Variants in DHRSX observed in about 807,000 individuals in gnomAD.
The protein encoded by DHRSX is polyprenol dehydrogenase.
DHRSX carries 31 observed loss-of-function variants against 34.0 expected under a neutral mutation model. That is an observed-to-expected ratio of 0.91 (90% CI 0.69 to 1.23). The LOEUF is 1.23. DHRSX is among the 50% of genes most tolerant of loss of function. The pLI is 0.00. For synonymous variants in DHRSX, 201 were observed against 183.8 expected, an observed-to-expected ratio of 1.09 and a Z score of -0.76; for missense variants, 414 against 428.1, an observed-to-expected ratio of 0.97 and a Z score of 0.29.
At position 2,447,052 on chromosome X, in the gene DHRSX, A is replaced by G. The variant is rs1349305895; in HGVS notation, c.110-21748T>C. ...ACCGCCACGGGTACACACTGAAGAC[A>G]TTCCCTAAGCATGTGGCTAAGGGAC... On this transcript the variant is annotated intron_variant, in intron 1 of 6. Coordinates refer to ENST00000334651, the MANE Select transcript of DHRSX (RefSeq NM_145177.3). 6.4e-4 allele frequency among the ~76,000 whole-genome samples: 89 copies of G among 138,098 alleles called. 1 individual carries two copies. Among genetic ancestry groups the G allele is most frequent in the African/African-American group, 2.3e-3 (85 of 36,736 alleles). The allele number at this position is 138,098 out of a possible 152,430, so 90.6% of individuals were successfully genotyped here. A position where few individuals can be genotyped will look rare whatever the true frequency, so the allele number is the denominator to read the frequency against.
intron 3 of DHRSX, among the ~76,000 whole-genome samples, chrX:2,391,730 AG>A (rs1444252628): frequency 2.0e-5 from 3 of 152,166 alleles, no homozygotes; most frequent in Non-Finnish European, 4.4e-5. Flanking sequence ...GTTCGAGACC[AG>A]CCTGACCAAC....
chrX:2,392,400 G>T, intron 3 of DHRSX: 1 of 266,280 alleles, frequency 3.8e-6, no homozygotes, highest in Non-Finnish European at 7.5e-6. Flanking sequence ...CCAGCTCCTC[G>T]AGAGGCTGAG....
intron 4 of DHRSX, among the ~76,000 whole-genome samples, chrX:2,286,979 A>G (rs1422353743): frequency 2.0e-5 from 3 of 152,154 alleles, no homozygotes; most frequent in Non-Finnish European, 4.4e-5. Flanking sequence ...TTGGGGTGCA[A>G]TCTTCTCTGT....
At chrX:2,490,633 G>A (rs777542260) in intron 1 of DHRSX, 55 of 1,613,856 alleles carry the variant, frequency 3.4e-5, no homozygotes, top group Middle Eastern at 1.6e-4. Context: ...TGTCGAAGCC[G>A]AAATACTTCC....
intron 5 of DHRSX, among the ~76,000 whole-genome samples, chrX:2,255,635 G>C (rs781508976): frequency 6.6e-6 from 1 of 152,146 alleles, no homozygotes; most frequent in South Asian, 2.1e-4. Context: ...TCATGGCCAG[G>C]CACGGTGGGT....
chrX:2,368,187 G>A (rs1386341634), intron 3 of DHRSX, among the ~76,000 whole-genome samples: 2 of 150,916 alleles, frequency 1.3e-5, no homozygotes, highest in Non-Finnish European at 2.9e-5. Flanking sequence ...AGGTTGCAGT[G>A]AGCCAAGATT....
At chrX:2,357,065 A>G (rs1422227661) in intron 3 of DHRSX, among the ~76,000 whole-genome samples, 4 of 152,058 alleles carry the variant, frequency 2.6e-5, no homozygotes, top group African/African-American at 9.7e-5. Flanking sequence ...CCAAGATGGT[A>G]AAACCCCGTC....
At chrX:2,360,597 A>C (rs962451954) in intron 3 of DHRSX, among the ~76,000 whole-genome samples, 20 of 151,974 alleles carry the variant, frequency 1.3e-4, no homozygotes, top group African/African-American at 1.2e-4. Context: ...ACAACAACAA[A>C]AAAATACACA....
At chrX:2,360,308 GGC>G (rs2042912847) in intron 3 of DHRSX, among the ~76,000 whole-genome samples, 1 of 152,230 alleles carries the variant, frequency 6.6e-6, no homozygotes, top group African/African-American at 2.4e-5. Context: ...AATGGGGCCA[GGC>G]GTGGTGGCTC....
chrX:2,478,614 GGT>G (rs1483885127), intron 1 of DHRSX, among the ~76,000 whole-genome samples: 1 of 151,674 alleles, frequency 6.6e-6, no homozygotes, highest in Non-Finnish European at 1.5e-5. Flanking sequence ...CTAAGCATGT[GGT>G]TGAGGGACCG....
chrX:2,489,553 G>A (rs1217591266), intron 1 of DHRSX: 19 of 1,612,614 alleles, frequency 1.2e-5, no homozygotes, highest in East Asian at 4.5e-5. Flanking sequence ...TGGCCCACTC[G>A]CTGGCCTCCA....
At chrX:2,366,594 T>A (rs2042996769) in intron 3 of DHRSX, among the ~76,000 whole-genome samples, 1 of 152,170 alleles carries the variant, frequency 6.6e-6, no homozygotes, top group East Asian at 1.9e-4. Flanking sequence ...CATCCTGGGC[T>A]TATTTTTCTC....
intron 3 of DHRSX, among the ~76,000 whole-genome samples, chrX:2,373,212 G>A (rs2043100767): frequency 6.6e-6 from 1 of 152,188 alleles, no homozygotes; most frequent in African/African-American, 2.4e-5. Context: ...CCGCGCCCAT[G>A]ATTCAATTTC....
chrX:2,301,491 T>C lies in DHRSX; in HGVS notation c.287-9888A>G, dbSNP rs758677622. On this transcript the variant is annotated intron_variant, in intron 3 of 6. Transcript: ENST00000334651. Reference sequence around the variant, plus strand: ...GAGCCTTGCACATTTCCACGAGGTGTCTCTGGAAGCAGGTTAGCTTTGGTC... The same window carrying C: ...GAGCCTTGCACATTTCCACGAGGTGCCTCTGGAAGCAGGTTAGCTTTGGTC... 9.9e-4 allele frequency among the ~76,000 whole-genome samples: 150 copies of C among 152,256 alleles called. No homozygotes were observed. The Middle Eastern group carries it at 0.01, about 10-fold the overall frequency.
chrX:2,486,465 C>G (rs1235042699), intron 1 of DHRSX: 3 of 152,108 alleles, frequency 2.0e-5, no homozygotes, highest in Non-Finnish European at 4.4e-5. Flanking sequence ...AACAACAGTC[C>G]AACTTTACAG....
At position 2,473,781 on chromosome X, in the gene DHRSX, T is replaced by C. The variant is rs1373510242; in HGVS notation, c.109+27036A>G. ...CGAATATAGAGAAACACACTAGAAG[T>C]CTCTGATAGGATGGGGGCATCTCCA... On this transcript the variant is annotated intron_variant, in intron 1 of 6. Coordinates refer to ENST00000334651, the MANE Select transcript of DHRSX (RefSeq NM_145177.3). 3.6e-5 allele frequency among the ~76,000 whole-genome samples: 5 copies of C among 139,552 alleles called. 1 individual carries two copies. The highest frequency in any genetic ancestry group is 1.5e-4 in the African/African-American group (5 of 32,768). 91.6% of individuals were successfully genotyped at this position (139,552 alleles called of 152,430 possible).
At chrX:2,381,164 C>T (rs917165800) in intron 3 of DHRSX, among the ~76,000 whole-genome samples, 13 of 152,300 alleles carry the variant, frequency 8.5e-5, no homozygotes, top group African/African-American at 2.6e-4. Flanking sequence ...CCACACCCGG[C>T]CCCAGATCCC....
chrX:2,240,982 G>A (rs1195033835), intron 6 of DHRSX, among the ~76,000 whole-genome samples: 1 of 151,992 alleles, frequency 6.6e-6, no homozygotes, highest in Non-Finnish European at 1.5e-5. Context: ...TCAGGAGTTC[G>A]AGACCAGCTT....
chrX:2,275,223 C>T (rs2041610076), intron 4 of DHRSX, among the ~76,000 whole-genome samples: 1 of 151,654 alleles, frequency 6.6e-6, no homozygotes, highest in Non-Finnish European at 1.5e-5. Context: ...CAGGGCTGGG[C>T]ACGGTGACTC....
Sources: gnomAD v4.1 joint callset for allele counts (sites outside exome capture counted in the v4.1 genomes callset) on GRCh38, gnomAD v4.1.1 for gene constraint, MANE v1.5 for transcripts, NCBI Gene and HGNC (gene_info 2026-07-23, HGNC 2026-07-21) for gene names.